Variants in PIGU observed in about 807,000 individuals in gnomAD.
PIGU encodes the protein phosphatidylinositol glycan anchor biosynthesis class U, also known as GPI-anchor transamidase component PIGU.
Under a neutral mutation model 49.9 loss-of-function variants are expected in PIGU, and 24 were observed. That is an observed-to-expected ratio of 0.48 (90% CI 0.35 to 0.68). PIGU has a LOEUF of 0.68. Ranked by LOEUF, PIGU falls within the 30% of genes least tolerant of loss-of-function variation. The probability of loss-of-function intolerance (pLI) is 0.01; values close to 1 mark genes in which losing one functional copy is unlikely to be tolerated. For missense variants in PIGU, 490 were observed against 532.6 expected (o/e 0.92, Z 0.79); for synonymous variants, 220 against 205.7 (o/e 1.07, Z -0.59).
intron 7 of PIGU, among the ~76,000 whole-genome samples, chr20:34,595,277 A>T (rs1984158315): frequency 6.6e-6 from 1 of 152,104 alleles, no homozygotes; most frequent in Admixed American, 6.6e-5. Context: ...TCCAAAAAAA[A>T]TTGTGTCTGT....
At position 34,644,214 on chromosome 20, in the gene PIGU, G is replaced by A. The variant is rs1362603977; in HGVS notation, c.268C>T (p.Leu90Phe). 14 of 1,607,478 alleles carry A rather than the reference G, an allele frequency of 8.7e-6. No individual in the cohort carries two copies. Among genetic ancestry groups the A allele is most frequent in the Non-Finnish European group, 1.1e-5 (13 of 1,174,162 alleles). The change falls in exon 4 of 12, where the codon CTC (leucine) becomes TTC (phenylalanine). Residue 90 changes from leucine (L) to phenylalanine (F), a missense_variant. Transcript: ENST00000217446. ...AELVFMITDA[L>F]TAIALYFAIQ... ...GCAAAATACAGGGCAATAGCAGTGA[G>A]TGCATCAGTTATCTGTCAAAAGAAA...
At chr20:34,582,621 G>A (rs1248308748) in intron 9 of PIGU, among the ~76,000 whole-genome samples, 1 of 152,072 alleles carries the variant, frequency 6.6e-6, no homozygotes, top group Non-Finnish European at 1.5e-5. Flanking sequence ...TGAGGCTGCA[G>A]TGAGCCATGA....
chr20:34,626,396 G>A lies in PIGU; in HGVS notation c.529+8219C>T, dbSNP rs570311947. Among the ~76,000 whole-genome samples, 260 of 150,042 alleles carry A rather than the reference G, an allele frequency of 1.7e-3. 2 individuals are homozygous for A. Among genetic ancestry groups the A allele is most frequent in the African/African-American group, 5.8e-3 (236 of 40,710 alleles). ...CGGCTCACTGCAACCTCCACCTCCC[G>A]GGTTCAAGCGATTCTCCTGCCTCAG... On this transcript the variant is annotated intron_variant, in intron 6 of 11. Transcript: ENST00000217446.
At chr20:34,611,919 A>T (rs887617469) in intron 7 of PIGU, among the ~76,000 whole-genome samples, 6 of 152,222 alleles carry the variant, frequency 3.9e-5, no homozygotes, top group Non-Finnish European at 7.3e-5. Context: ...GTGGGAATGT[A>T]AATTAGTTCA....
rs34144980 is a variant in PIGU, at chr20:34,669,666, G to GAA, written c.130+7288_130+7289dup. 2.0e-3 allele frequency among the ~76,000 whole-genome samples: 246 copies of GAA among 123,954 alleles called. 2 individuals are homozygous for GAA. Among genetic ancestry groups the GAA allele is most frequent in the Middle Eastern group, 4.2e-3 (1 of 236 alleles). 81.3% of individuals were successfully genotyped at this position (123,954 alleles called of 152,430 possible). ...TGGGCAACAGAGTGAGACTCTGGCTGAAAAAAAAAAAAAAAAGTAAAAAAC... is the reference window on the plus strand; with the variant it reads ...TGGGCAACAGAGTGAGACTCTGGCTGAAAAAAAAAAAAAAAAAAGTAAAAAAC... On this transcript the variant is annotated intron_variant, in intron 1 of 11. Coordinates refer to ENST00000217446, the MANE Select transcript of PIGU (RefSeq NM_080476.5).
chr20:34,674,187 T>G (rs1987412180), intron 1 of PIGU, among the ~76,000 whole-genome samples: 1 of 151,632 alleles, frequency 6.6e-6, no homozygotes, highest in African/African-American at 2.4e-5. Context: ...GAAACTTATC[T>G]CTACTAAAAA....
intron 1 of PIGU, among the ~76,000 whole-genome samples, chr20:34,671,949 A>G (rs1031863192): frequency 1.1e-4 from 16 of 152,070 alleles, no homozygotes; most frequent in African/African-American, 3.1e-4. Flanking sequence ...TTCTTTTTTT[A>G]TAAGGCAGAG....
intron 1 of PIGU, among the ~76,000 whole-genome samples, chr20:34,672,591 G>C (rs1196375826): frequency 6.6e-6 from 1 of 152,036 alleles, no homozygotes; most frequent in East Asian, 1.9e-4. Context: ...GGTGGCTCAT[G>C]CCTATAATCC....
intron 11 of PIGU, among the ~76,000 whole-genome samples, chr20:34,574,288 G>A (rs2146698650): frequency 6.6e-6 from 1 of 152,318 alleles, no homozygotes; most frequent in East Asian, 1.9e-4. Context: ...TCCTGACCCT[G>A]TATTCCACAT....
At chr20:34,651,974 A>C (rs1339896917) in intron 2 of PIGU, among the ~76,000 whole-genome samples, 1 of 152,066 alleles carries the variant, frequency 6.6e-6, no homozygotes, top group Non-Finnish European at 1.5e-5. Flanking sequence ...CATGGGTAGC[A>C]TCTGTAGTCC....
In PIGU at chr20:34,632,208, C is replaced by T. The variant is rs188935440; in HGVS notation, c.529+2407G>A. ...CCATGACCATAAAACTGCTCAATAGCTACCAAGATACTAGAAGACAATGAA... is the reference window on the plus strand; with the variant it reads ...CCATGACCATAAAACTGCTCAATAGTTACCAAGATACTAGAAGACAATGAA... On this transcript the variant is annotated intron_variant, in intron 6 of 11. Transcript: ENST00000217446. 8.2e-3 allele frequency among the ~76,000 whole-genome samples: 1,249 copies of T among 152,016 alleles called. 25 individuals are homozygous for T. Among genetic ancestry groups the T allele is most frequent in the African/African-American group, 0.029 (1,208 of 41,476 alleles).
intron 1 of PIGU, among the ~76,000 whole-genome samples, chr20:34,658,761 C>T (rs1364593255): frequency 4.6e-5 from 7 of 151,858 alleles, no homozygotes; most frequent in South Asian, 2.1e-4. Flanking sequence ...GCCCGGCAGC[C>T]GCCCCGTCTG....
intron 1 of PIGU, among the ~76,000 whole-genome samples, chr20:34,670,746 G>C (rs1388262095): frequency 6.6e-6 from 1 of 151,788 alleles, no homozygotes. Context: ...GTTTCACCAT[G>C]TTATCCAGGC....
At position 34,586,303 on chromosome 20, in the gene PIGU, G is replaced by A. The variant is rs183121821; in HGVS notation, c.783-723C>T. Among the ~76,000 whole-genome samples the A allele has an allele frequency of 2.2e-3, 331 of 151,182 alleles. 1 individual carries two copies. Among genetic ancestry groups the A allele is most frequent in the Non-Finnish European group, 3.4e-3 (227 of 67,754 alleles). On this transcript the variant is annotated intron_variant, in intron 8 of 11. Transcript: ENST00000217446. ...CACGCAGAGGGAGAGATGAGTGATG[G>A]CTCTTGGTCAGATTTCCCTGACTGA... is the stretch of plus-strand genomic sequence containing the variant.
intron 11 of PIGU, among the ~76,000 whole-genome samples, chr20:34,573,049 C>T (rs892249248): frequency 6.6e-6 from 1 of 152,044 alleles, no homozygotes; most frequent in Non-Finnish European, 1.5e-5. Flanking sequence ...TGGGCTTTTG[C>T]TATGTTGCCC....
At chr20:34,634,491 T>A (rs1374716582) in intron 6 of PIGU, 124 bp downstream of exon 6, 2 of 1,348,354 alleles carry the variant, frequency 1.5e-6, no homozygotes, top group African/African-American at 1.5e-5. Flanking sequence ...ATTACTTGTG[T>A]AATTTTTAAA....
intron 7 of PIGU, among the ~76,000 whole-genome samples, chr20:34,603,712 T>C (rs1337700640): frequency 6.6e-6 from 1 of 152,182 alleles, no homozygotes; most frequent in Non-Finnish European, 1.5e-5. Context: ...ATCCTATACA[T>C]TTCCTGCCCT....
At chr20:34,640,874 A>G (rs1986138620) in intron 4 of PIGU, among the ~76,000 whole-genome samples, 1 of 152,108 alleles carries the variant, frequency 6.6e-6, no homozygotes, top group Non-Finnish European at 1.5e-5. Flanking sequence ...TTGCCAGGAC[A>G]TAATTCCCCT....
At chr20:34,645,554 T>C (rs1986316393) in intron 2 of PIGU, among the ~76,000 whole-genome samples, 1 of 152,086 alleles carries the variant, frequency 6.6e-6, no homozygotes, top group Admixed American at 6.6e-5. Flanking sequence ...ATCTGTTGAA[T>C]TGAGTAAAGG....
Sources: gnomAD v4.1 joint callset for allele counts (sites outside exome capture counted in the v4.1 genomes callset) on GRCh38, gnomAD v4.1.1 for gene constraint, MANE v1.5 for transcripts, NCBI Gene and HGNC (gene_info 2026-07-23, HGNC 2026-07-21) for gene names.